FBXW4: variants seen among roughly 807,000 people sequenced by gnomAD.
FBXW4 encodes the protein F-box/WD repeat-containing protein 4.
Under a neutral mutation model 61.8 loss-of-function variants are expected in FBXW4, and 40 were observed. That is an observed-to-expected ratio of 0.65 (90% CI 0.50 to 0.84). The LOEUF is 0.84. Ranked by LOEUF, FBXW4 falls within the 40% of genes least tolerant of loss-of-function variation. FBXW4 has a pLI of 0.00. For synonymous variants in FBXW4, 311 were observed against 313.8 expected, an observed-to-expected ratio of 0.99 and a Z score of 0.10; for missense variants, 672 against 753.8, an observed-to-expected ratio of 0.89 and a Z score of 1.27.
chr10:101,658,273 A>C (rs545856233), intron 5 of FBXW4, among the ~76,000 whole-genome samples: 1 of 152,180 alleles, frequency 6.6e-6, no homozygotes, highest in Non-Finnish European at 1.5e-5. Flanking sequence ...GAGGCCGGGC[A>C]TGGTGGCGCA....
intron 5 of FBXW4, among the ~76,000 whole-genome samples, chr10:101,636,657 G>A (rs575003021): frequency 9.5e-4 from 144 of 151,104 alleles, no homozygotes; most frequent in African/African-American, 3.3e-3. Context: ...GTGCAATCTC[G>A]GCTCTCTGCA....
At chr10:101,654,224 G>C (rs564285813) in intron 5 of FBXW4, among the ~76,000 whole-genome samples, 52 of 151,348 alleles carry the variant, frequency 3.4e-4, no homozygotes, top group African/African-American at 1.2e-3. Flanking sequence ...ATGAAACCAT[G>C]TTTAATGATA....
At chr10:101,637,218 C>G (rs565895009) in intron 5 of FBXW4, among the ~76,000 whole-genome samples, 46 of 142,730 alleles carry the variant, frequency 3.2e-4, no homozygotes, top group Admixed American at 1.1e-3. Flanking sequence ...CCCATCTCTA[C>G]TAAAAATACA....
chr10:101,618,564 A>T (rs898158842), intron 6 of FBXW4, among the ~76,000 whole-genome samples: 4 of 152,016 alleles, frequency 2.6e-5, no homozygotes, highest in African/African-American at 9.7e-5. Context: ...GTAACATGGG[A>T]CCAGGGATGA....
Position 101,612,454 on chromosome 10 carries a change from C to T in FBXW4, c.1325G>A (p.Gly442Asp). 2 of 1,586,894 alleles carry T rather than the reference C, an allele frequency of 1.3e-6. No homozygotes were observed. Among genetic ancestry groups the T allele is most frequent in the South Asian group, 2.4e-5 (2 of 84,728 alleles). Residue 442 changes from glycine (G) to aspartate (D), a missense_variant, in exon 7 of 9, where the codon GGC becomes GAC. Coordinates refer to ENST00000331272, the MANE Select transcript of FBXW4 (RefSeq NM_022039.4). ...LNSGQLMTHL[G>D]SDFPPGAGVL... The stretch of plus-strand genomic sequence containing the variant: ...CCCAGCCCCTGGGGGAAAGTCACTG[C>T]CCAAGTGTGTCATCAGCTGCCCACT...
At position 101,672,924 on chromosome 10, in the gene FBXW4, C is replaced by T; in HGVS notation, c.1131G>A (p.Arg377=). The T allele has an allele frequency of 6.2e-7, 1 of 1,614,084 alleles. No homozygotes were observed. The highest frequency in any genetic ancestry group is 8.5e-7 in the Non-Finnish European group (1 of 1,180,008). ...GGIIVSGSRD[R]TAKVWPLASG... ...GGGGAGACCACCTCACCTTGGCCGT[C>T]CTGTCCCTGGAGCCACTCACAATGA... The change falls in exon 4 of 9, where the codon AGG becomes AGA. Residue 377 remains arginine, a synonymous_variant. Coordinates refer to ENST00000331272, the MANE Select transcript of FBXW4 (RefSeq NM_022039.4).
Position 101,651,638 on chromosome 10 carries a change from G to A in FBXW4, c.1235+16248C>T, listed in dbSNP as rs1022316026. 3.6e-4 allele frequency among the ~76,000 whole-genome samples: 54 copies of A among 152,042 alleles called. 1 individual carries two copies. Among genetic ancestry groups the A allele is most frequent in the South Asian group, 2.5e-3 (12 of 4,818 alleles). ...CCCTCCCTCTATAAGGGCTCCCATCGGGGGTTGCTTCTCCCTCCACTGCCT... is the reference window on the plus strand; with the variant it reads ...CCCTCCCTCTATAAGGGCTCCCATCAGGGGTTGCTTCTCCCTCCACTGCCT... On this transcript the variant is annotated intron_variant, in intron 5 of 8. Transcript: ENST00000331272.
Position 101,611,415 on chromosome 10 carries a change from A to T in FBXW4, c.1585-5T>A. 1 of 1,612,670 alleles carries T rather than the reference A, an allele frequency of 6.2e-7. No individual in the cohort carries two copies. The highest frequency in any genetic ancestry group is 1.1e-5 in the South Asian group (1 of 90,814). ...AGTCGACGTCAGCGGGAAGGCCTGG[A>T]AGGGAGGGCACAGGAAGTGGTAAGA... On this transcript the variant is annotated splice_polypyrimidine_tract_variant and splice_region_variant and intron_variant, in intron 8 of 8. Coordinates refer to ENST00000331272, the MANE Select transcript of FBXW4 (RefSeq NM_022039.4). The surrounding 1 kb of genome is among the most constrained non-coding windows in gnomAD (Gnocchi z 4.9).
rs1328492744 is a variant in FBXW4 at position 101,684,466 on chromosome 10, CACCA to C, written c.726-8034_726-8031del. 1.7e-4 allele frequency among the ~76,000 whole-genome samples: 26 copies of C among 152,228 alleles called. No individual in the cohort carries two copies. The East Asian group carries it at 4.6e-3, about 27-fold the overall frequency. Reference sequence around the variant, plus strand: ...TGTATGTTTAATAGAGATGGGGTTTCACCATGTTGGCCAGGCTGGTCTTGAACTT... The same window carrying C: ...TGTATGTTTAATAGAGATGGGGTTTCTGTTGGCCAGGCTGGTCTTGAACTT... On this transcript the variant is annotated intron_variant, in intron 1 of 8. Transcript: ENST00000331272.
chr10:101,670,672 G>A (rs993375663), intron 4 of FBXW4, among the ~76,000 whole-genome samples: 1 of 152,184 alleles, frequency 6.6e-6, no homozygotes, highest in African/African-American at 2.4e-5. Context: ...TCTGTACCAA[G>A]CCTCACACAC....
chr10:101,627,032 A>AC (rs1809530934), intron 5 of FBXW4: 1 of 140,182 alleles, frequency 7.1e-6, no homozygotes, highest in African/African-American at 2.7e-5. Flanking sequence ...TCACCTTCAT[A>AC]CCCTGTACAG....
chr10:101,612,143 C>CTGT (rs1376586674), intron 7 of FBXW4, among the ~76,000 whole-genome samples, 194 bp downstream of exon 7: 3 of 152,238 alleles, frequency 2.0e-5, no homozygotes. Context: ...TTGCCAAGGC[C>CTGT]TGTTGGCTAT....
chr10:101,681,472 C>T (rs2064475466), intron 1 of FBXW4, among the ~76,000 whole-genome samples: 1 of 150,436 alleles, frequency 6.6e-6, no homozygotes, highest in South Asian at 2.1e-4. Context: ...AATCCCAGCA[C>T]TTTGGGAGGC....
chr10:101,634,026 T>G (rs1297304753), intron 5 of FBXW4, among the ~76,000 whole-genome samples: 1 of 152,014 alleles, frequency 6.6e-6, no homozygotes, highest in African/African-American at 2.4e-5. Flanking sequence ...GGCAGGAGAA[T>G]CACTTGAAAC....
chr10:101,675,891 G>C (rs911163398), intron 2 of FBXW4, among the ~76,000 whole-genome samples: 21 of 152,134 alleles, frequency 1.4e-4, no homozygotes, highest in Admixed American at 6.5e-5. Context: ...TTTTAATAAA[G>C]TAGGGGAGAG....
intron 1 of FBXW4, among the ~76,000 whole-genome samples, chr10:101,684,060 C>T (rs1456578851): frequency 6.6e-6 from 1 of 152,132 alleles, no homozygotes; most frequent in Admixed American, 6.5e-5. Flanking sequence ...ACCTCCCAGA[C>T]TCAAGTGATT....
At chr10:101,659,765 T>C (rs753158188) in intron 5 of FBXW4, among the ~76,000 whole-genome samples, 4 of 152,222 alleles carry the variant, frequency 2.6e-5, no homozygotes, top group Admixed American at 2.0e-4. Context: ...TCCAACAAGG[T>C]ACATGCAGAG....
At chr10:101,671,911 G>A (rs1353724622) in intron 4 of FBXW4, among the ~76,000 whole-genome samples, 1 of 152,150 alleles carries the variant, frequency 6.6e-6, no homozygotes, top group Non-Finnish European at 1.5e-5. Flanking sequence ...GTAAAGGGAG[G>A]AGAAACTTCC....
chr10:101,616,177 G>T (rs958989427), intron 6 of FBXW4, among the ~76,000 whole-genome samples: 21 of 152,302 alleles, frequency 1.4e-4, no homozygotes, highest in African/African-American at 5.1e-4. Flanking sequence ...TGGAGAGAGA[G>T]AGAGGAGGGA....
Sources: allele counts gnomAD v4.1 joint callset (sites outside exome capture counted in the v4.1 genomes callset), GRCh38; gene constraint gnomAD v4.1.1; non-coding constraint Gnocchi (gnomAD v3.1); transcripts MANE v1.5; gene names NCBI Gene and HGNC (gene_info 2026-07-23, HGNC 2026-07-21).